Variants in SVIL observed in about 807,000 individuals in gnomAD.
SVIL encodes the protein archvillin.
In SVIL, 101 loss-of-function variants were observed where a neutral mutation model predicts 240.4. The observed-to-expected ratio is 0.42, with a 90% CI of 0.36 to 0.50. SVIL has a LOEUF of 0.50. Among genes scored for constraint, SVIL ranks in the 20% least tolerant of loss-of-function variants. The probability of loss-of-function intolerance (pLI) is 0.01; values close to 1 mark genes in which losing one functional copy is unlikely to be tolerated. For missense variants in SVIL, 2,512 were observed against 2,818.7 expected (o/e 0.89, Z 2.46); for synonymous variants, 999 against 1,100.0 (o/e 0.91, Z 1.82).
chr10:29,470,438 C>G lies in SVIL; in HGVS notation c.5681G>C (p.Gly1894Ala). Reference sequence around the variant, plus strand: ...GTGACAGGCCACTTCCAGCAAATTCCCTTCCACGGGCACCTCTCCACGCAC... The same window carrying G: ...GTGACAGGCCACTTCCAGCAAATTCGCTTCCACGGGCACCTCTCCACGCAC... ...YCVRGEVPVEGNLLEVACHCS... is the reference protein window; with the variant it reads ...YCVRGEVPVEANLLEVACHCS... Residue 1894 changes from glycine (G) to alanine (A), a missense_variant, in exon 32 of 38, where the codon GGG becomes GCG. Gly to Ala is a moderately conservative substitution (Grantham distance 60). Around this residue, in one of 3 missense-constraint regions of SVIL, gnomAD observed 797 missense variants for 925.3 expected, o/e 0.86. Coordinates refer to ENST00000355867, the MANE Select transcript of SVIL (RefSeq NM_021738.3). The G allele has an allele frequency of 2.5e-6, 4 of 1,614,228 alleles. No homozygotes were observed. The highest frequency in any genetic ancestry group is 3.4e-6 in the Non-Finnish European group (4 of 1,180,054).
At position 29,523,619 on chromosome 10, in the gene SVIL, C is replaced by G. The variant is rs1196603159; in HGVS notation, c.2995G>C (p.Gly999Arg). 1.9e-6 allele frequency: 3 copies of G among 1,614,168 alleles called. No homozygotes were observed. Among genetic ancestry groups the G allele is most frequent in the Non-Finnish European group, 2.5e-6 (3 of 1,180,026 alleles). Reference sequence around the variant, plus strand: ...GGAGGGTTCGCCCGTTCCAGGCTTCCTCTTCTGGGAACAGCATATTTAGAT... The same window carrying G: ...GGAGGGTTCGCCCGTTCCAGGCTTCGTCTTCTGGGAACAGCATATTTAGAT... ...KESKYAVPRR[G>R]SLERANPPIT... Residue 999 changes from glycine to arginine, a missense_variant, in exon 15 of 38, where the codon GGA becomes CGA. Physicochemically the swap from Gly to Arg is moderately radical, Grantham distance 125. Coordinates refer to ENST00000355867, the MANE Select transcript of SVIL (RefSeq NM_021738.3).
At chr10:29,497,455 A>T (rs761097091) in intron 18 of SVIL, among the ~76,000 whole-genome samples, 12 of 152,084 alleles carry the variant, frequency 7.9e-5, no homozygotes, top group Non-Finnish European at 1.5e-4. Context: ...AGCCCCAAAC[A>T]CTCTTATGAA....
intron 13 of SVIL, among the ~76,000 whole-genome samples, chr10:29,525,731 C>T (rs1007964581): frequency 1.3e-5 from 2 of 152,182 alleles, no homozygotes; most frequent in African/African-American, 2.4e-5. Flanking sequence ...TGCACTATAT[C>T]TTCTGTCCCT....
intron 6 of SVIL, among the ~76,000 whole-genome samples, chr10:29,545,868 A>G (rs1952633352): frequency 7.7e-6 from 1 of 130,056 alleles, no homozygotes; most frequent in Non-Finnish European, 1.7e-5. Context: ...AAAAAAAAAA[A>G]AAAAAAAAAA....
At chr10:29,615,952 C>G (rs1957412062) in intron 1 of SVIL, among the ~76,000 whole-genome samples, 1 of 152,154 alleles carries the variant, frequency 6.6e-6, no homozygotes, top group African/African-American at 2.4e-5. Flanking sequence ...GATGCTTTTC[C>G]TACACAATTT....
chr10:29,677,699 G>A (rs150700529), intron 2 of SVIL, among the ~76,000 whole-genome samples: 7,378 of 152,174 alleles, frequency 0.048, 302 homozygotes, highest in Admixed American at 0.14. Context: ...AGGATTACAG[G>A]CACGAGCCAC....
intron 1 of SVIL, among the ~76,000 whole-genome samples, chr10:29,620,657 C>T (rs1217388454): frequency 6.6e-6 from 1 of 152,188 alleles, no homozygotes; most frequent in Non-Finnish European, 1.5e-5. Flanking sequence ...GACGGAGTCT[C>T]ACCCAGGCTG....
rs371902662 is a variant in SVIL, at chr10:29,631,502, C to T, written c.-201+2918G>A. ...ACTAAATATACAAGAATTAGCCGGG[C>T]GTGGTGGCGGACACCTGTAATCCCA... On this transcript the variant is annotated intron_variant, in intron 1 of 37. Coordinates refer to ENST00000355867, the MANE Select transcript of SVIL (RefSeq NM_021738.3). Among the ~76,000 whole-genome samples, 100 of 151,618 alleles carry T rather than the reference C, an allele frequency of 6.6e-4. No individual in the cohort carries two copies. In the South Asian group the frequency reaches 0.01, roughly 15 times the overall value.
At chr10:29,643,886 G>A (rs745831112) in intron 3 of SVIL, 18 of 454,818 alleles carry the variant, frequency 4.0e-5, no homozygotes, top group Non-Finnish European at 6.2e-5. Context: ...TGCTGGCCTC[G>A]TGGTCAAAAT....
chr10:29,618,861 C>T (rs539308567), intron 1 of SVIL, among the ~76,000 whole-genome samples: 7 of 152,132 alleles, frequency 4.6e-5, no homozygotes, highest in East Asian at 1.9e-4. Context: ...GCTGGGACTA[C>T]GGGCATAGGC....
chr10:29,619,976 A>G (rs1169488916), intron 1 of SVIL, among the ~76,000 whole-genome samples: 1 of 152,226 alleles, frequency 6.6e-6, no homozygotes, highest in South Asian at 2.1e-4. Context: ...AAAATGACCA[A>G]TCCTAAGAAG....
chr10:29,610,262 A>T (rs1957192471), intron 1 of SVIL, among the ~76,000 whole-genome samples: 1 of 151,884 alleles, frequency 6.6e-6, no homozygotes, highest in African/African-American at 2.4e-5. Context: ...GCAGAATCTG[A>T]GACTTGTACA....
chr10:29,537,297 C>T (rs542868940), intron 6 of SVIL, among the ~76,000 whole-genome samples: 43 of 152,188 alleles, frequency 2.8e-4, no homozygotes, highest in Admixed American at 2.0e-3. Flanking sequence ...TAAGGAACGA[C>T]GAAAATGAAT....
chr10:29,541,284 C>T (rs1952133970), intron 6 of SVIL, among the ~76,000 whole-genome samples: 1 of 152,170 alleles, frequency 6.6e-6, no homozygotes, highest in African/African-American at 2.4e-5. Context: ...TACTGTGAGG[C>T]TATACCAGTC....
At chr10:29,654,873 GC>G (rs1379705872) in intron 3 of SVIL, among the ~76,000 whole-genome samples, 1 of 152,158 alleles carries the variant, frequency 6.6e-6, no homozygotes, top group Non-Finnish European at 1.5e-5. Flanking sequence ...ATGTCCAAGG[GC>G]AGTAGAAGAA....
chr10:29,655,874 G>GATT (rs1554887813), intron 3 of SVIL, among the ~76,000 whole-genome samples: 2 of 136,260 alleles, frequency 1.5e-5, no homozygotes, highest in African/African-American at 5.5e-5. Flanking sequence ...GTATGTGTGG[G>GATT]TTTTTTTTTT....
At chr10:29,511,815 C>T (rs1047046683) in intron 17 of SVIL, among the ~76,000 whole-genome samples, 9 of 152,188 alleles carry the variant, frequency 5.9e-5, no homozygotes, top group African/African-American at 2.2e-4. Flanking sequence ...GAACTCCTGA[C>T]TCACACTTCT....
chr10:29,612,607 T>C (rs1957286814), intron 1 of SVIL, among the ~76,000 whole-genome samples: 1 of 152,168 alleles, frequency 6.6e-6, no homozygotes, highest in Non-Finnish European at 1.5e-5. Flanking sequence ...TCTGGAGCTC[T>C]GCACCCAGAA....
chr10:29,636,446 TCA>T (rs1958313943), upstream of SVIL, among the ~76,000 whole-genome samples: 1 of 152,216 alleles, frequency 6.6e-6, no homozygotes. Flanking sequence ...AAAATAAACA[TCA>T]GTCTTTTGTG....
Sources: allele counts gnomAD v4.1 joint callset (sites outside exome capture counted in the v4.1 genomes callset), GRCh38; gene constraint gnomAD v4.1.1; regional missense constraint gnomAD v4.1.1; transcripts MANE v1.5; gene names NCBI Gene and HGNC (gene_info 2026-07-23, HGNC 2026-07-21).